The following LRRC17 variants were observed in gnomAD, a reference collection of about 807,000 sequenced individuals.
The protein encoded by LRRC17 is leucine-rich repeat-containing protein 17.
In LRRC17, 33 loss-of-function variants were observed where a neutral mutation model predicts 41.5. The ratio of observed to expected loss-of-function variants is 0.80; its 90% CI spans 0.60 to 1.06. The LOEUF is 1.06. Among genes scored for constraint, LRRC17 ranks in the 50% least tolerant of loss-of-function variants. LRRC17 has a pLI of 0.00. For synonymous variants in LRRC17, 192 were observed against 197.0 expected, an observed-to-expected ratio of 0.97 and a Z score of 0.21; for missense variants, 491 against 519.3, an observed-to-expected ratio of 0.95 and a Z score of 0.53.
chr7:102,932,221 A>T (rs978277629), intron 1 of LRRC17, among the ~76,000 whole-genome samples: 2 of 152,226 alleles, frequency 1.3e-5, no homozygotes, highest in Non-Finnish European at 2.9e-5. Context: ...TTAGCTTGAA[A>T]GCACTTGAAG....
intron 1 of LRRC17, among the ~76,000 whole-genome samples, chr7:102,916,251 T>A (rs879401218): frequency 4.6e-5 from 7 of 152,164 alleles, no homozygotes; most frequent in Non-Finnish European, 8.8e-5. Context: ...CCTCCCAAAG[T>A]GCTGGGATTA....
chr7:102,942,834 G>A (rs1013720424), intron 3 of LRRC17, among the ~76,000 whole-genome samples: 4 of 152,072 alleles, frequency 2.6e-5, no homozygotes, highest in Admixed American at 6.5e-5. Flanking sequence ...AAATAAGGAC[G>A]CTATGCTCTA....
intron 1 of LRRC17, among the ~76,000 whole-genome samples, chr7:102,929,391 G>A (rs1246927234): frequency 1.3e-5 from 2 of 152,160 alleles, no homozygotes; most frequent in Non-Finnish European, 2.9e-5. Flanking sequence ...GCTGGGTGCG[G>A]TGTCTCACGC....
intron 1 of LRRC17, among the ~76,000 whole-genome samples, chr7:102,925,940 CAAA>C (rs66682276): frequency 1.5e-4 from 15 of 100,960 alleles, no homozygotes; most frequent in Non-Finnish European, 2.1e-4. Context: ...GACTCTGTCT[CAAA>C]AAAAAAAAAA....
chr7:102,930,491 A>T (rs971015990), intron 1 of LRRC17, among the ~76,000 whole-genome samples: 2 of 152,288 alleles, frequency 1.3e-5, no homozygotes. Context: ...TTCACAATTC[A>T]TTGCAAGTAG....
intron 2 of LRRC17, among the ~76,000 whole-genome samples, chr7:102,935,243 T>C (rs1820077301): frequency 1.8e-4 from 1 of 5,642 alleles, no homozygotes; most frequent in Non-Finnish European, 5.0e-4. Flanking sequence ...TTTTTCTTTC[T>C]TTTTTTTTTT....
intron 2 of LRRC17, among the ~76,000 whole-genome samples, chr7:102,936,986 C>T (rs6465885): frequency 0.19 from 29,313 of 151,918 alleles, 3,039 homozygotes; most frequent in East Asian, 0.42. Flanking sequence ...ATTTTTATTG[C>T]TTTCTTCAAC....
At chr7:102,926,722 G>A (rs4398822) in intron 1 of LRRC17, among the ~76,000 whole-genome samples, 12,493 of 152,152 alleles carry the variant, frequency 0.082, 568 homozygotes, top group Middle Eastern at 0.17. Context: ...ATGCAGGAAA[G>A]CAATTAAAAA....
At position 102,934,361 on chromosome 7, in the gene LRRC17, A is replaced by T; in HGVS notation, c.448A>T (p.Ile150Phe). 6.2e-7 allele frequency: 1 copy of T among 1,614,138 alleles called. No homozygotes were observed. Among genetic ancestry groups the T allele is most frequent in the Non-Finnish European group, 8.5e-7 (1 of 1,180,020 alleles). Residue 150 changes from isoleucine to phenylalanine, a missense_variant, in exon 2 of 4, where the codon ATT (isoleucine) becomes TTT (phenylalanine). Transcript: ENST00000339431. Reference sequence around the variant, plus strand: ...CAAAGTCTTGACGGAGGAAGTGTTCATTTACACACCTCTCTTGAGCTACCT... The same window carrying T: ...CAAAGTCTTGACGGAGGAAGTGTTCTTTTACACACCTCTCTTGAGCTACCT... ...QIKVLTEEVF[I>F]YTPLLSYLRL...
rs571501072 is a variant in LRRC17 at position 102,928,878 on chromosome 7, A to G, written c.-140-4896A>G. 2.6e-5 allele frequency among the ~76,000 whole-genome samples: 4 copies of G among 152,372 alleles called. No individual in the cohort carries two copies. In the East Asian group the frequency reaches 5.8e-4, roughly 22 times the overall value. On this transcript the variant is annotated intron_variant, in intron 1 of 3. Coordinates refer to ENST00000339431, the MANE Select transcript of LRRC17 (RefSeq NM_001031692.3). ...ACGTTCACTTTGCTAGTGGAGAAAG[A>G]GTGCAACCAGAGAAAGCAGAACATT...
rs758628527 is a variant in LRRC17 at position 102,934,072 on chromosome 7, G to A, written c.159G>A (p.Pro53=). Residue 53 remains proline, a synonymous_variant, in exon 2 of 4, where the codon CCG becomes CCA. Transcript: ENST00000339431. ...TCAAACGCTACGCACCAGGCCTCCC[G>A]TGTGACGTGTACACATATCTCCATG... ...NPVKRYAPGL[P]CDVYTYLHEK... 5 of 1,614,050 alleles carry A rather than the reference G, an allele frequency of 3.1e-6. No homozygotes were observed. Among genetic ancestry groups the A allele is most frequent in the African/African-American group, 1.3e-5 (1 of 74,932 alleles).
chr7:102,920,777 A>G (rs545199928), intron 1 of LRRC17, among the ~76,000 whole-genome samples: 2 of 152,350 alleles, frequency 1.3e-5, no homozygotes, highest in South Asian at 4.1e-4. Flanking sequence ...CCCGCATCAC[A>G]AAGGTTAAAA....
At chr7:102,923,353 T>C (rs1817460892) in intron 1 of LRRC17, among the ~76,000 whole-genome samples, 1 of 152,140 alleles carries the variant, frequency 6.6e-6, no homozygotes, top group African/African-American at 2.4e-5. Flanking sequence ...AATACTTCCA[T>C]ATTGGCCAAT....
At chr7:102,922,126 G>T (rs531455772) in intron 1 of LRRC17, among the ~76,000 whole-genome samples, 2 of 151,876 alleles carry the variant, frequency 1.3e-5, no homozygotes, top group South Asian at 4.2e-4. Flanking sequence ...CGAGGCGGAG[G>T]TTGCAGTGAG....
chr7:102,942,225 T>C, intron 3 of LRRC17: 1 of 1,289,492 alleles, frequency 7.8e-7, no homozygotes, highest in Non-Finnish European at 1.1e-6. Context: ...AACAAAAAAG[T>C]ATCTTGGCAG....
chr7:102,935,675 T>G (rs1439330319), intron 2 of LRRC17, among the ~76,000 whole-genome samples: 2 of 152,176 alleles, frequency 1.3e-5, no homozygotes, highest in Non-Finnish European at 2.9e-5. Context: ...TGAAGATTGA[T>G]GTTCTCAAAG....
intron 1 of LRRC17, among the ~76,000 whole-genome samples, chr7:102,914,293 G>T (rs1390752926): frequency 6.6e-6 from 1 of 152,270 alleles, no homozygotes; most frequent in East Asian, 1.9e-4. Context: ...GGCTGGCCTC[G>T]AACTCCTGAC....
At chr7:102,923,473 A>G (rs1817489185) in intron 1 of LRRC17, among the ~76,000 whole-genome samples, 1 of 152,198 alleles carries the variant, frequency 6.6e-6, no homozygotes. Flanking sequence ...ACACAGATAA[A>G]GTAACATGCA....
intron 1 of LRRC17, among the ~76,000 whole-genome samples, chr7:102,922,167 G>A (rs1817172834): frequency 6.6e-6 from 1 of 151,120 alleles, no homozygotes; most frequent in South Asian, 2.1e-4. Context: ...TCCAGCCTGG[G>A]CGACAGAGGA....
Sources: gnomAD v4.1 joint callset for allele counts (sites outside exome capture counted in the v4.1 genomes callset) on GRCh38, gnomAD v4.1.1 for gene constraint, MANE v1.5 for transcripts, NCBI Gene and HGNC (gene_info 2026-07-23, HGNC 2026-07-21) for gene names.